Variants in PCDHA11 observed in about 807,000 individuals in gnomAD.
PCDHA11 encodes protocadherin alpha-11.
A neutral mutation model predicts 70.3 loss-of-function variants in PCDHA11; 61 were observed. That is an observed-to-expected ratio of 0.87 (90% confidence interval 0.71 to 1.07). PCDHA11 has a LOEUF of 1.07. Ranked by LOEUF, PCDHA11 falls within the 50% of genes least tolerant of loss-of-function variation. The pLI is 0.00. For synonymous variants in PCDHA11, 633 were observed against 555.1 expected, an observed-to-expected ratio of 1.14 and a Z score of -1.97; for missense variants, 1,324 against 1,237.5, an observed-to-expected ratio of 1.07 and a Z score of -1.05.
At chr5:140,930,527 A>C (rs73793525) in intron 1 of PCDHA11, 8,511 of 152,566 alleles carry the variant, frequency 0.056, 704 homozygotes, top group African/African-American at 0.18. Context: ...CTGGCCCTCA[A>C]ACTTCTTGAG....
rs2153691387 is a variant in PCDHA11, at chr5:140,951,014, G to C, written c.2392-27935G>C. Among the ~76,000 whole-genome samples the C allele has an allele frequency of 1.3e-5, 2 of 151,872 alleles. 1 individual carries two copies. Among genetic ancestry groups the C allele is most frequent in the Middle Eastern group, 6.8e-3 (2 of 294 alleles). On this transcript the variant is annotated intron_variant, in intron 1 of 3. Coordinates refer to ENST00000398640, the MANE Select transcript of PCDHA11 (RefSeq NM_018902.5). The stretch of plus-strand genomic sequence containing the variant: ...TTAGCTCCATTTTTCCCAAGATCAG[G>C]CAGTGAGTTTTAATTTCAAATATTA...
chr5:140,888,789 G>A (rs536846098), intron 1 of PCDHA11, among the ~76,000 whole-genome samples: 1 of 152,066 alleles, frequency 6.6e-6, no homozygotes, highest in Admixed American at 6.5e-5. Flanking sequence ...AGCCTGATCT[G>A]GGGAGGTTGA....
chr5:140,883,083 G>A (rs267600402), intron 1 of PCDHA11: 8 of 1,614,082 alleles, frequency 5.0e-6, no homozygotes, highest in Non-Finnish European at 6.8e-6. Flanking sequence ...CCTGATGATG[G>A]TACAAATGGA....
At chr5:140,899,713 T>G (rs1336302647) in intron 1 of PCDHA11, among the ~76,000 whole-genome samples, 1 of 152,210 alleles carries the variant, frequency 6.6e-6, no homozygotes, top group Non-Finnish European at 1.5e-5. Context: ...TTAGGGAGGA[T>G]TCCCTCTTTT....
chr5:140,884,634 GGGA>G (rs1562808845), intron 1 of PCDHA11: 3 of 1,612,414 alleles, frequency 1.9e-6, no homozygotes, highest in Non-Finnish European at 2.5e-6. Context: ...ACAGGCCAGA[GGGA>G]GGAGGACTCA....
At chr5:140,975,003 A>G (rs1170426656) in intron 1 of PCDHA11, among the ~76,000 whole-genome samples, 3 of 152,152 alleles carry the variant, frequency 2.0e-5, no homozygotes, top group Non-Finnish European at 4.4e-5. Flanking sequence ...CAAGGCTGAA[A>G]TGAACACAGC....
chr5:140,931,473 A>G (rs2087545332), intron 1 of PCDHA11, among the ~76,000 whole-genome samples: 1 of 152,066 alleles, frequency 6.6e-6, no homozygotes, highest in Admixed American at 6.6e-5. Flanking sequence ...TGACAGAGGA[A>G]AAAACAACCC....
intron 1 of PCDHA11, among the ~76,000 whole-genome samples, chr5:140,962,475 T>C (rs772721001): frequency 2.0e-5 from 3 of 152,232 alleles, no homozygotes; most frequent in Non-Finnish European, 4.4e-5. Context: ...TCTCTTTGTT[T>C]ATTCTAAGCA....
At chr5:140,885,462 G>T (rs890056404) in intron 1 of PCDHA11, among the ~76,000 whole-genome samples, 3 of 152,070 alleles carry the variant, frequency 2.0e-5, no homozygotes, top group African/African-American at 7.2e-5. Context: ...ACCTAATGAT[G>T]GGCAATCACT....
intron 1 of PCDHA11, chr5:140,967,270 C>G (rs782562333): frequency 6.2e-7 from 1 of 1,613,488 alleles, no homozygotes; most frequent in Non-Finnish European, 8.5e-7. Context: ...CGCGCTTTCA[C>G]ATAGAGAGTG....
chr5:140,947,543 G>A (rs1013985097), intron 1 of PCDHA11, among the ~76,000 whole-genome samples: 1 of 151,548 alleles, frequency 6.6e-6, no homozygotes, highest in African/African-American at 2.4e-5. Context: ...TTTCTACAAA[G>A]AATTCCGCTG....
At chr5:140,970,156 T>C (rs933887683) in intron 1 of PCDHA11, among the ~76,000 whole-genome samples, 6 of 152,188 alleles carry the variant, frequency 3.9e-5, no homozygotes, top group African/African-American at 1.4e-4. Context: ...CTCCCAATAG[T>C]CACCTTTCTT....
At chr5:140,910,959 A>C (rs1188143214) in intron 1 of PCDHA11, among the ~76,000 whole-genome samples, 1 of 151,944 alleles carries the variant, frequency 6.6e-6, no homozygotes, top group African/African-American at 2.4e-5. Flanking sequence ...CGAGTGTAGC[A>C]CACCTCCTCA....
rs1554262551 is a variant in PCDHA11, at chr5:141,009,910, C to T, written c.2823C>T (p.Asn941=). 1 of 1,612,616 alleles carries T rather than the reference C, an allele frequency of 6.2e-7. No individual in the cohort carries two copies. Among genetic ancestry groups the T allele is most frequent in the Middle Eastern group, 1.7e-4 (1 of 6,048 alleles). Residue 941 remains asparagine (N), a synonymous_variant, in exon 4 of 4, where the codon AAC becomes AAT. Transcript: ENST00000398640. ...NKTQEKKEKG[N]STTDNSDQ Reference sequence around the variant, plus strand: ...CCCAGGAGAAAAAAGAGAAAGGGAACAGCACGACTGACAACAGTGACCAGT... The same window carrying T: ...CCCAGGAGAAAAAAGAGAAAGGGAATAGCACGACTGACAACAGTGACCAGT...
At chr5:140,906,821 G>A (rs1354317622) in intron 1 of PCDHA11, among the ~76,000 whole-genome samples, 7 of 152,220 alleles carry the variant, frequency 4.6e-5, no homozygotes, top group Non-Finnish European at 7.3e-5. Flanking sequence ...CCACTGTGGA[G>A]TAGTAGACTG....
chr5:140,966,852 T>C, intron 1 of PCDHA11: 1 of 1,572,518 alleles, frequency 6.4e-7, no homozygotes, highest in South Asian at 1.1e-5. Flanking sequence ...CTGCCTCTCC[T>C]GCTGCTGTTG....
chr5:140,873,172 G>A (rs545473160), intron 1 of PCDHA11, among the ~76,000 whole-genome samples: 1 of 152,202 alleles, frequency 6.6e-6, no homozygotes, highest in African/African-American at 2.4e-5. Flanking sequence ...GAGAGCTTTT[G>A]TATCATAATA....
intron 1 of PCDHA11, among the ~76,000 whole-genome samples, chr5:140,912,832 TA>T (rs1188685241): frequency 1.3e-5 from 2 of 152,202 alleles, no homozygotes; most frequent in African/African-American, 2.4e-5. Context: ...TGAATTTTAT[TA>T]AATGCTTTTT....
intron 1 of PCDHA11, among the ~76,000 whole-genome samples, chr5:140,881,872 A>C (rs907896928): frequency 6.6e-6 from 1 of 152,240 alleles, no homozygotes; most frequent in South Asian, 2.1e-4. Context: ...TTGTGGCAAA[A>C]TGAAACTCAT....
Sources: allele counts gnomAD v4.1 joint callset (sites outside exome capture counted in the v4.1 genomes callset), GRCh38; gene constraint gnomAD v4.1.1; transcripts MANE v1.5; gene names NCBI Gene and HGNC (gene_info 2026-07-23, HGNC 2026-07-21).